The following PID1 variants were observed in gnomAD, a reference collection of about 807,000 sequenced individuals.
PID1 encodes phosphotyrosine interaction domain containing 1, also known as PTB-containing, cubilin and LRP1-interacting protein.
PID1 carries 10 observed loss-of-function variants against 19.1 expected under a neutral mutation model. The ratio of observed to expected loss-of-function variants is 0.52; its 90% CI spans 0.32 to 0.89. The LOEUF (loss-of-function observed/expected upper bound fraction) is 0.89. Ranked by LOEUF, PID1 falls within the 40% of genes least tolerant of loss-of-function variation. The probability of loss-of-function intolerance (pLI) is 0.03; values close to 1 mark genes in which losing one functional copy is unlikely to be tolerated. For missense variants in PID1, 248 were observed against 285.3 expected (o/e 0.87, Z 0.94); for synonymous variants, 130 against 116.0 (o/e 1.12, Z -0.78).
intron 2 of PID1, among the ~76,000 whole-genome samples, chr2:229,061,004 G>A (rs1574595706): frequency 6.6e-6 from 1 of 151,852 alleles, no homozygotes; most frequent in Non-Finnish European, 1.5e-5. Flanking sequence ...ATAAATTTTG[G>A]ATTATAGCCT....
chr2:229,059,890 C>G (rs571308151), intron 2 of PID1, among the ~76,000 whole-genome samples: 1 of 152,140 alleles, frequency 6.6e-6, no homozygotes, highest in Admixed American at 6.6e-5. Context: ...TGGTCATATA[C>G]AGCTTATGTG....
At chr2:229,232,184 G>GATT in intron 1 of PID1, 1 of 1,364,716 alleles carries the variant, frequency 7.3e-7, no homozygotes, top group Non-Finnish European at 9.6e-7. Context: ...AGCACTCTGG[G>GATT]AGGCCGAGAC....
chr2:229,110,245 G>A (rs1695270055), intron 2 of PID1, among the ~76,000 whole-genome samples: 1 of 152,178 alleles, frequency 6.6e-6, no homozygotes, highest in Non-Finnish European at 1.5e-5. Context: ...TGGCTGTGGG[G>A]TGAATCAGGA....
intron 1 of PID1, among the ~76,000 whole-genome samples, chr2:229,186,711 C>A (rs1296373623): frequency 1.3e-5 from 2 of 152,234 alleles, no homozygotes. Context: ...AGACCTCTGA[C>A]ATGCCCTGGA....
intron 1 of PID1, among the ~76,000 whole-genome samples, chr2:229,204,122 C>T (rs1691555577): frequency 6.6e-6 from 1 of 152,074 alleles, no homozygotes; most frequent in South Asian, 2.1e-4. Context: ...CATGCCTGAA[C>T]TCAGTCCCTT....
At chr2:229,066,384 G>A (rs1694327531) in intron 2 of PID1, among the ~76,000 whole-genome samples, 2 of 152,280 alleles carry the variant, frequency 1.3e-5, no homozygotes, top group South Asian at 4.1e-4. Flanking sequence ...AGGAGTTGAA[G>A]GAAGCCACTC....
chr2:229,062,549 T>C (rs1694233057), intron 2 of PID1, among the ~76,000 whole-genome samples: 1 of 151,892 alleles, frequency 6.6e-6, no homozygotes, highest in African/African-American at 2.4e-5. Context: ...TACTGATCCA[T>C]TATTTTCTAT....
At chr2:229,153,730 C>G (rs140656736) in intron 2 of PID1, among the ~76,000 whole-genome samples, 5 of 152,250 alleles carry the variant, frequency 3.3e-5, no homozygotes, top group African/African-American at 1.2e-4. Flanking sequence ...ATTTTTCTCT[C>G]TCTTACAAAC....
At chr2:229,061,760 C>T (rs1694216906) in intron 2 of PID1, among the ~76,000 whole-genome samples, 1 of 151,892 alleles carries the variant, frequency 6.6e-6, no homozygotes, top group African/African-American at 2.4e-5. Flanking sequence ...ACTTTGCATT[C>T]ATGTTGTCCA....
chr2:229,187,558 G>A lies in PID1; in HGVS notation c.31-31594C>T, dbSNP rs1397191747. ...ACTCACTACCACGAGAATAGCATAG[G>A]AAAGACCAGCCACGATGATTTAATT... On this transcript the variant is annotated intron_variant, in intron 1 of 2. Transcript: ENST00000392055. 8.5e-5 allele frequency among the ~76,000 whole-genome samples: 13 copies of A among 152,172 alleles called. No individual in the cohort carries two copies. The East Asian group carries it at 2.5e-3, about 29-fold the overall frequency.
At chr2:229,048,310 C>G (rs1381121059) in intron 2 of PID1, among the ~76,000 whole-genome samples, 1 of 152,124 alleles carries the variant, frequency 6.6e-6, no homozygotes, top group East Asian at 1.9e-4. Flanking sequence ...TGTTCCCATC[C>G]ACATTGTGCC....
chr2:229,081,069 T>C (rs1461184715), intron 2 of PID1, among the ~76,000 whole-genome samples: 1 of 152,182 alleles, frequency 6.6e-6, no homozygotes, highest in Non-Finnish European at 1.5e-5. Flanking sequence ...TCTGCTTTCC[T>C]TCACCTCCCC....
intron 1 of PID1, among the ~76,000 whole-genome samples, chr2:229,194,554 A>C (rs544313934): frequency 6.0e-4 from 92 of 152,188 alleles, no homozygotes; most frequent in African/African-American, 2.1e-3. Context: ...TACACTAAAT[A>C]CAAAAATATT....
chr2:229,064,219 G>A (rs569713454), intron 2 of PID1, among the ~76,000 whole-genome samples: 2 of 152,214 alleles, frequency 1.3e-5, no homozygotes, highest in African/African-American at 4.8e-5. Flanking sequence ...CAAGGTAAGA[G>A]GCTATTGCAG....
At chr2:229,061,204 T>G (rs1232575933) in intron 2 of PID1, among the ~76,000 whole-genome samples, 2 of 152,088 alleles carry the variant, frequency 1.3e-5, no homozygotes, top group Non-Finnish European at 1.5e-5. Flanking sequence ...GAACTTTGCC[T>G]TTATGTTTTC....
intron 1 of PID1, among the ~76,000 whole-genome samples, chr2:229,198,637 T>C (rs906418396): frequency 6.6e-6 from 1 of 152,074 alleles, no homozygotes; most frequent in Non-Finnish European, 1.5e-5. Context: ...CAGTAAATGG[T>C]ACCACCATTC....
chr2:229,062,092 T>A (rs1694223782), intron 2 of PID1, among the ~76,000 whole-genome samples: 1 of 151,950 alleles, frequency 6.6e-6, no homozygotes. Flanking sequence ...TATATTTTTA[T>A]CTAATTGTTC....
intron 2 of PID1, among the ~76,000 whole-genome samples, chr2:229,040,350 A>T (rs1693746628): frequency 6.6e-6 from 1 of 152,068 alleles, no homozygotes; most frequent in South Asian, 2.1e-4. Context: ...CAAACAAAGT[A>T]AAAAAAATTG....
chr2:229,210,582 T>C (rs572985390), intron 1 of PID1, among the ~76,000 whole-genome samples: 4 of 137,244 alleles, frequency 2.9e-5, no homozygotes, highest in Non-Finnish European at 4.7e-5. Context: ...GTCAGAAGAC[T>C]TCAAGTCACT....
Sources: allele counts gnomAD v4.1 joint callset (sites outside exome capture counted in the v4.1 genomes callset), GRCh38; gene constraint gnomAD v4.1.1; transcripts MANE v1.5; gene names NCBI Gene and HGNC (gene_info 2026-07-23, HGNC 2026-07-21).